LTN1: variants seen among roughly 807,000 people sequenced by gnomAD.
LTN1 encodes the protein E3 ubiquitin-protein ligase listerin.
Under a neutral mutation model 201.2 loss-of-function variants are expected in LTN1, and 88 were observed. The observed-to-expected ratio is 0.44, with a 90% CI of 0.37 to 0.52. The LOEUF is 0.52. Among genes scored for constraint, LTN1 ranks in the 20% least tolerant of loss-of-function variants. The probability of loss-of-function intolerance (pLI) is 0.00; values close to 1 mark genes in which losing one functional copy is unlikely to be tolerated. For missense variants in LTN1, 1,752 were observed against 2,038.7 expected (o/e 0.86, Z 2.71); for synonymous variants, 645 against 713.5 (o/e 0.90, Z 1.53).
rs751750794 is a variant in LTN1, at chr21:28,992,857, G to C, written c.-52C>G. On this transcript the variant is annotated 5_prime_UTR_variant, in exon 1 of 30. Transcript: ENST00000361371. Reference sequence around the variant, plus strand: ...CACTCAGACCCCGGTTGACACGTCCGGGACACAACTTCCGGCTTCTGGCGG... The same window carrying C: ...CACTCAGACCCCGGTTGACACGTCCCGGACACAACTTCCGGCTTCTGGCGG... 6 of 1,613,732 alleles carry C rather than the reference G, an allele frequency of 3.7e-6. No individual in the cohort carries two copies. In the African/African-American group the frequency reaches 6.7e-5, roughly 18 times the overall value.
At chr21:28,963,001 G>A (rs1483134575) in intron 11 of LTN1, among the ~76,000 whole-genome samples, 3 of 152,214 alleles carry the variant, frequency 2.0e-5, no homozygotes, top group Admixed American at 2.0e-4. Context: ...AGGCTGAGAG[G>A]TGAGGAAGCT....
At chr21:28,956,681 A>T in intron 16 of LTN1, 81 bp downstream of exon 16, 1 of 672,766 alleles carries the variant, frequency 1.5e-6, no homozygotes, top group Non-Finnish European at 2.2e-6. Context: ...TTAAAGATTT[A>T]AACTGCAGTA....
chr21:28,964,319 C>T (rs1489891527), intron 11 of LTN1, among the ~76,000 whole-genome samples: 2 of 152,182 alleles, frequency 1.3e-5, no homozygotes, highest in Non-Finnish European at 1.5e-5. Flanking sequence ...GATACCACCA[C>T]CCTGGTCAGT....
chr21:28,992,854 T>A lies in LTN1; in HGVS notation c.-49A>T, dbSNP rs565120950. The A allele has an allele frequency of 2.5e-6, 4 of 1,613,984 alleles. No homozygotes were observed. The highest frequency in any genetic ancestry group is 2.2e-5 in the East Asian group (1 of 44,878). ...GAGCACTCAGACCCCGGTTGACACGTCCGGGACACAACTTCCGGCTTCTGG... is the reference window on the plus strand; with the variant it reads ...GAGCACTCAGACCCCGGTTGACACGACCGGGACACAACTTCCGGCTTCTGG... On this transcript the variant is annotated 5_prime_UTR_variant, in exon 1 of 30. Transcript: ENST00000361371.
intron 1 of LTN1, among the ~76,000 whole-genome samples, chr21:28,990,152 A>G (rs949626066): frequency 3.9e-4 from 59 of 152,048 alleles, no homozygotes; most frequent in African/African-American, 1.4e-3. Flanking sequence ...ATTCTCCCAC[A>G]TTCTTTCTTC....
chr21:28,987,006 G>T, intron 1 of LTN1, 72 bp from the exon 2 acceptor site: 4 of 975,174 alleles, frequency 4.1e-6, no homozygotes, highest in South Asian at 1.4e-5. Flanking sequence ...TAATTCCTTG[G>T]CTATTCCCAT....
Position 28,930,348 on chromosome 21 carries a change from G to A in LTN1, c.*100C>T. 2 of 793,524 alleles carry A rather than the reference G, an allele frequency of 2.5e-6. No individual in the cohort carries two copies. Among genetic ancestry groups the A allele is most frequent in the South Asian group, 3.8e-5 (2 of 52,988 alleles). The allele number at this position is 793,524 out of a possible 1,614,324, so 49.2% of individuals were successfully genotyped here. A position where few individuals can be genotyped will look rare whatever the true frequency, so the allele number is the denominator to read the frequency against. On this transcript the variant is annotated 3_prime_UTR_variant, in exon 30 of 30. Coordinates refer to ENST00000361371, the MANE Select transcript of LTN1 (RefSeq NM_015565.3). ...TTTCCAGAGAAGGTCCTATTTAAAA[G>A]TAATGCTCACTGGCTTCCCCACATC...
At chr21:28,965,831 C>CA (rs71335064) in intron 11 of LTN1, 34 bp downstream of exon 11, 50,263 of 817,894 alleles carry the variant, frequency 0.061, 21 homozygotes, top group South Asian at 0.084. Context: ...CCCATAAATA[C>CA]AAAAAAAAAA....
At chr21:28,951,088 C>T (rs1276891559) in intron 18 of LTN1, among the ~76,000 whole-genome samples, 1 of 146,272 alleles carries the variant, frequency 6.8e-6, no homozygotes, top group Non-Finnish European at 1.5e-5. Context: ...TGTATCAATG[C>T]CTTTTCCTTG....
Position 28,966,629 on chromosome 21 carries a change from A to G in LTN1, c.1862T>C (p.Leu621Pro). 2 of 1,614,118 alleles carry G rather than the reference A, an allele frequency of 1.2e-6. No homozygotes were observed. The highest frequency in any genetic ancestry group is 2.2e-5 in the East Asian group (1 of 44,868). ...TACTCGGCTTGAAGAAAAGGAGTCA[A>G]GCAGAGTAGAAAGAAACCTTAGATG... is the stretch of plus-strand genomic sequence containing the variant. ...EQHLRFLSTL[L>P]DSFSSSRVFK... The change falls in exon 10 of 30, where the codon CTT becomes CCT. Residue 621 changes from leucine to proline, a missense_variant. Coordinates refer to ENST00000361371, the MANE Select transcript of LTN1 (RefSeq NM_015565.3).
chr21:28,930,675 G>A (rs923049663), intron 29 of LTN1, among the ~76,000 whole-genome samples, 165 bp from the exon 30 acceptor site: 41 of 152,306 alleles, frequency 2.7e-4, no homozygotes, highest in Admixed American at 5.2e-4. Flanking sequence ...AACACAAATT[G>A]AGTATTACTT....
chr21:28,961,969 C>T (rs1483699087), intron 11 of LTN1, among the ~76,000 whole-genome samples: 1 of 152,036 alleles, frequency 6.6e-6, no homozygotes, highest in Non-Finnish European at 1.5e-5. Flanking sequence ...CGAGATGTTG[C>T]AACTGCACTC....
At chr21:28,955,936 A>AG (rs1298483537) in intron 16 of LTN1, among the ~76,000 whole-genome samples, 1 of 151,604 alleles carries the variant, frequency 6.6e-6, no homozygotes, top group Non-Finnish European at 1.5e-5. Flanking sequence ...AAAAAAAAAA[A>AG]AAAAAAAAGG....
At chr21:28,992,328 G>C (rs539808942) in intron 1 of LTN1, among the ~76,000 whole-genome samples, 1 of 152,236 alleles carries the variant, frequency 6.6e-6, no homozygotes, top group African/African-American at 2.4e-5. Flanking sequence ...ACCATCCTAA[G>C]AGCTTTAGCT....
intron 6 of LTN1, among the ~76,000 whole-genome samples, chr21:28,980,285 A>G (rs1177490233): frequency 6.6e-6 from 1 of 151,162 alleles, no homozygotes; most frequent in Non-Finnish European, 1.5e-5. Context: ...CGCTTTATCC[A>G]GGCATGAGTT....
At chr21:28,931,063 G>T in intron 29 of LTN1, 92 bp downstream of exon 29, 1 of 737,076 alleles carries the variant, frequency 1.4e-6, no homozygotes, top group Non-Finnish European at 2.1e-6. Context: ...TAGACATTGT[G>T]TAGGTGTGTG....
chr21:28,951,549 A>T (rs1476884094), intron 18 of LTN1, among the ~76,000 whole-genome samples: 1 of 152,220 alleles, frequency 6.6e-6, no homozygotes, highest in Non-Finnish European at 1.5e-5. Context: ...AGGGCAAAAG[A>T]AAAGATTTCT....
chr21:28,969,044 AACGCCGTCTCT>A (rs1054171079), intron 9 of LTN1, among the ~76,000 whole-genome samples: 4 of 151,772 alleles, frequency 2.6e-5, no homozygotes, highest in African/African-American at 9.7e-5. Context: ...AACATGGTGA[AACGCCGTCTCT>A]ACTAAAAATA....
At chr21:28,976,688 T>C (rs892359041) in intron 6 of LTN1, among the ~76,000 whole-genome samples, 1 of 152,008 alleles carries the variant, frequency 6.6e-6, no homozygotes, top group South Asian at 2.1e-4. Flanking sequence ...TCCATATTGG[T>C]CTATAAATTG....
Sources: allele counts gnomAD v4.1 joint callset (sites outside exome capture counted in the v4.1 genomes callset), GRCh38; gene constraint gnomAD v4.1.1; transcripts MANE v1.5; gene names NCBI Gene and HGNC (gene_info 2026-07-23, HGNC 2026-07-21).